The following CYCS variants were observed in gnomAD, a reference collection of about 807,000 sequenced individuals.
CYCS encodes cytochrome c.
For synonymous variants in CYCS, 41 were observed against 43.0 expected, an observed-to-expected ratio of 0.95 and a Z score of 0.18; for missense variants, 87 against 125.3, an observed-to-expected ratio of 0.69 and a Z score of 1.46.
rs375047966 is a variant in CYCS, at chr7:25,118,933, C to T, written c.*4768G>A. On this transcript the variant is annotated 3_prime_UTR_variant, in exon 3 of 3. Coordinates refer to ENST00000305786, the MANE Select transcript of CYCS (RefSeq NM_018947.6). ...GGGAAATGATAGCCTGAAGGCATGACGTTTTCAAATACCCCAAACTCCAAC... is the reference window on the plus strand; with the variant it reads ...GGGAAATGATAGCCTGAAGGCATGATGTTTTCAAATACCCCAAACTCCAAC... 9.8e-4 allele frequency among the ~76,000 whole-genome samples: 149 copies of T among 152,256 alleles called. 1 individual carries two copies. The highest frequency in any genetic ancestry group is 3.4e-3 in the African/African-American group (141 of 41,540).
At position 25,122,674 on chromosome 7, in the gene CYCS, AGTC is replaced by A. The variant is rs1296707804; in HGVS notation, c.*1024_*1026del. ...AGTGAAGTGTTATTCTAGTTGAGGC[AGTC>A]CTAGAAAACCAAGTAAACAATCTAG... is the stretch of plus-strand genomic sequence containing the variant. On this transcript the variant is annotated 3_prime_UTR_variant, in exon 3 of 3. Coordinates refer to ENST00000305786, the MANE Select transcript of CYCS (RefSeq NM_018947.6). 3 of 152,264 alleles carry A rather than the reference AGTC, an allele frequency of 2.0e-5. No individual in the cohort carries two copies. The highest frequency in any genetic ancestry group is 7.2e-5 in the African/African-American group (3 of 41,470). 9.4% of individuals were successfully genotyped at this position (152,264 alleles called of 1,614,324 possible).
At position 25,123,955 on chromosome 7, in the gene CYCS, G is replaced by C. The variant is rs986520087; in HGVS notation, c.165C>G (p.Asn55Lys). ...TATTTAACAAGTGACTCTTACCTTT[G>C]TTCTTATTGGCGGCTGTGTAAGAGT... Reference protein sequence around the residue: ...PGYSYTAANKNKGIIWGEDTL... With the variant: ...PGYSYTAANKKKGIIWGEDTL... Residue 55 changes from asparagine (N) to lysine (K), a missense_variant, in exon 2 of 3, where the codon AAC becomes AAG. Coordinates refer to ENST00000305786, the MANE Select transcript of CYCS (RefSeq NM_018947.6). The C allele has an allele frequency of 1.2e-6, 2 of 1,614,052 alleles. No individual in the cohort carries two copies. Among genetic ancestry groups the C allele is most frequent in the Non-Finnish European group, 8.5e-7 (1 of 1,180,008 alleles).
At chr7:25,124,387 A>C (rs1783412253) in intron 1 of CYCS, among the ~76,000 whole-genome samples, 1 of 152,214 alleles carries the variant, frequency 6.6e-6, no homozygotes, top group African/African-American at 2.4e-5. Flanking sequence ...GAGGGAACCT[A>C]ATTCAAACTC....
chr7:25,123,858 G>A lies in CYCS; in HGVS notation c.170-9C>T. ...CTCTCCCCAGATGATGCCTAAACAA[G>A]AAAGAATGCATCGGTTATTTCACAC... On this transcript the variant is annotated splice_polypyrimidine_tract_variant and intron_variant, in intron 2 of 2. Coordinates refer to ENST00000305786, the MANE Select transcript of CYCS (RefSeq NM_018947.6). 6.2e-7 allele frequency: 1 copy of A among 1,614,116 alleles called. No individual in the cohort carries two copies.
At position 25,123,531 on chromosome 7, in the gene CYCS, A is replaced by C. The variant is rs978237813; in HGVS notation, c.*170T>G. The stretch of plus-strand genomic sequence containing the variant: ...CTATTAAAATTCAAAAACTGAACAT[A>C]TTCATTTAACCACAAGCCAGTCTTA... On this transcript the variant is annotated 3_prime_UTR_variant, in exon 3 of 3. Transcript: ENST00000305786. The C allele has an allele frequency of 1.3e-4, 81 of 637,412 alleles. 1 individual carries two copies. Among genetic ancestry groups the C allele is most frequent in the Non-Finnish European group, 1.9e-4 (71 of 364,614 alleles). 39.5% of individuals were successfully genotyped at this position (637,412 alleles called of 1,614,324 possible).
At chr7:25,124,233 G>A (rs775376611) in intron 1 of CYCS, 106 bp from the exon 2 acceptor site, 2 of 825,154 alleles carry the variant, frequency 2.4e-6, no homozygotes, top group Non-Finnish European at 2.0e-6. Flanking sequence ...GCTAATTTAT[G>A]TCATTAAATA....
At chr7:25,124,592 A>G (rs933549795) in intron 1 of CYCS, 1 of 232,380 alleles carries the variant, frequency 4.3e-6, no homozygotes, top group Admixed American at 5.2e-5. Context: ...GGCTGTTTCT[A>G]TCTGCCCAGG....
chr7:25,119,105 G>C lies in CYCS; in HGVS notation c.*4596C>G, dbSNP rs934831789. 1.3e-5 allele frequency among the ~76,000 whole-genome samples: 2 copies of C among 152,186 alleles called. No homozygotes were observed. The highest frequency in any genetic ancestry group is 4.8e-5 in the African/African-American group (2 of 41,446). ...ATGTACCCCGACAGTGCCTAGAAGA[G>C]ACTTATGTGGGAGACAAAGTTTCTG... On this transcript the variant is annotated 3_prime_UTR_variant, in exon 3 of 3. Transcript: ENST00000305786.
In CYCS at chr7:25,120,453, C is replaced by G. The variant is rs917778800; in HGVS notation, c.*3248G>C. ...AGACCACTGGTTCTAGTCCTAGACC[C>G]AGAATGTCAATACAGTAGCCACTAG... On this transcript the variant is annotated 3_prime_UTR_variant, in exon 3 of 3. Coordinates refer to ENST00000305786, the MANE Select transcript of CYCS (RefSeq NM_018947.6). 1.3e-5 allele frequency: 2 copies of G among 152,172 alleles called. No individual in the cohort carries two copies. The highest frequency in any genetic ancestry group is 2.9e-5 in the Non-Finnish European group (2 of 68,032). The allele number at this position is 152,172 out of a possible 1,614,324, so 9.4% of individuals were successfully genotyped here. A position where few individuals can be genotyped will look rare whatever the true frequency, so the allele number is the denominator to read the frequency against.
rs1783333507 is a variant in CYCS, at chr7:25,119,961, C to G, written c.*3740G>C. ...CAAAAGGTAAATCCCTAGCTACCACCAGAATGTTATCTATCTAAAACTGCC... is the reference window on the plus strand; with the variant it reads ...CAAAAGGTAAATCCCTAGCTACCACGAGAATGTTATCTATCTAAAACTGCC... On this transcript the variant is annotated 3_prime_UTR_variant, in exon 3 of 3. Transcript: ENST00000305786. 1 of 152,164 alleles carries G rather than the reference C, an allele frequency of 6.6e-6. No individual in the cohort carries two copies. 9.4% of individuals were successfully genotyped at this position (152,164 alleles called of 1,614,324 possible).
In CYCS at chr7:25,118,827, T is replaced by C. The variant is rs1783314459; in HGVS notation, c.*4874A>G. Reference sequence around the variant, plus strand: ...AAATGTTAAATTTAACATTTTAACATGTTTAAATGTTCATAGACACATACA... The same window carrying C: ...AAATGTTAAATTTAACATTTTAACACGTTTAAATGTTCATAGACACATACA... On this transcript the variant is annotated 3_prime_UTR_variant, in exon 3 of 3. Coordinates refer to ENST00000305786, the MANE Select transcript of CYCS (RefSeq NM_018947.6). Among the ~76,000 whole-genome samples, 1 of 151,924 alleles carries C rather than the reference T, an allele frequency of 6.6e-6. No homozygotes were observed. Among genetic ancestry groups the C allele is most frequent in the African/African-American group, 2.4e-5 (1 of 41,470 alleles).
chr7:25,124,195 A>C (rs1583394954), intron 1 of CYCS, 68 bp from the exon 2 acceptor site: 1 of 1,161,604 alleles, frequency 8.6e-7, no homozygotes, highest in African/African-American at 1.5e-5. Flanking sequence ...ATGAATGACC[A>C]CTCTAGCCAC....
chr7:25,120,893 GGC>G lies in CYCS; in HGVS notation c.*2806_*2807del, dbSNP rs1783349914. 4.6e-5 allele frequency: 7 copies of G among 152,338 alleles called. No individual in the cohort carries two copies. Among genetic ancestry groups the G allele is most frequent in the African/African-American group, 1.7e-4 (7 of 41,550 alleles). The allele number at this position is 152,338 out of a possible 1,614,324, so 9.4% of individuals were successfully genotyped here. The stretch of plus-strand genomic sequence containing the variant: ...TAATCCCAGCACTTTGGGAGGCCGA[GGC>G]AGGTAGATCACCTGACGTCGGGAGT... On this transcript the variant is annotated 3_prime_UTR_variant, in exon 3 of 3. Coordinates refer to ENST00000305786, the MANE Select transcript of CYCS (RefSeq NM_018947.6).
rs953977835 is a variant in CYCS, at chr7:25,119,046, G to A, written c.*4655C>T. On this transcript the variant is annotated 3_prime_UTR_variant, in exon 3 of 3. Coordinates refer to ENST00000305786, the MANE Select transcript of CYCS (RefSeq NM_018947.6). The stretch of plus-strand genomic sequence containing the variant: ...AACACCAGGACAATGGTTATTCTGA[G>A]GCACAGAAAATACAGCCAAAGCAGC... Among the ~76,000 whole-genome samples the A allele has an allele frequency of 9.2e-5, 14 of 152,158 alleles. No homozygotes were observed. The highest frequency in any genetic ancestry group is 1.6e-4 in the Non-Finnish European group (11 of 68,026).
intron 1 of CYCS, chr7:25,124,671 G>T (rs549309418): frequency 2.2e-4 from 39 of 176,024 alleles, no homozygotes; most frequent in Non-Finnish European, 1.7e-4. Context: ...GTCCCCCGGG[G>T]ACATCCCAAC....
chr7:25,119,844 T>A lies in CYCS; in HGVS notation c.*3857A>T, dbSNP rs181806301. ...CTTCTTGACAGCCATGTGGATTCTA[T>A]CACACCCTTTATAATTTACAGCAAT... is the stretch of plus-strand genomic sequence containing the variant. On this transcript the variant is annotated 3_prime_UTR_variant, in exon 3 of 3. Coordinates refer to ENST00000305786, the MANE Select transcript of CYCS (RefSeq NM_018947.6). Among the ~76,000 whole-genome samples, 156 of 152,304 alleles carry A rather than the reference T, an allele frequency of 1.0e-3. No individual in the cohort carries two copies. Among genetic ancestry groups the A allele is most frequent in the African/African-American group, 2.6e-3 (109 of 41,556 alleles).
Position 25,123,736 on chromosome 7 carries a change from A to T in CYCS, c.283T>A (p.Leu95Ile). 1 of 1,605,284 alleles carries T rather than the reference A, an allele frequency of 6.2e-7. No individual in the cohort carries two copies. The highest frequency in any genetic ancestry group is 8.5e-7 in the Non-Finnish European group (1 of 1,179,986). The change falls in exon 3 of 3, where the codon TTA becomes ATA. Residue 95 changes from leucine to isoleucine, a missense_variant. Coordinates refer to ENST00000305786, the MANE Select transcript of CYCS (RefSeq NM_018947.6). The part of the protein sequence containing the change: ...GIKKKEERAD[L>I]IAYLKKATNE Reference sequence around the variant, plus strand: ...GTAGCTTTTTTGAGATAAGCTATTAAGTCTGCCCTTTCTTCCTTCTTCTTA... The same window carrying T: ...GTAGCTTTTTTGAGATAAGCTATTATGTCTGCCCTTTCTTCCTTCTTCTTA...
Position 25,119,077 on chromosome 7 carries a change from A to T in CYCS, c.*4624T>A, listed in dbSNP as rs749136273. ...GAAAATACAGCCAAAGCAGCAGCTC[A>T]GTATGTACCCCGACAGTGCCTAGAA... is the stretch of plus-strand genomic sequence containing the variant. On this transcript the variant is annotated 3_prime_UTR_variant, in exon 3 of 3. Coordinates refer to ENST00000305786, the MANE Select transcript of CYCS (RefSeq NM_018947.6). 6.6e-6 allele frequency among the ~76,000 whole-genome samples: 1 copy of T among 152,228 alleles called. No individual in the cohort carries two copies. Among genetic ancestry groups the T allele is most frequent in the Non-Finnish European group, 1.5e-5 (1 of 68,046 alleles).
intron 1 of CYCS, among the ~76,000 whole-genome samples, chr7:25,124,406 G>A (rs992230892): frequency 2.0e-5 from 3 of 152,170 alleles, no homozygotes; most frequent in Non-Finnish European, 2.9e-5. Context: ...TCCAGTTTCA[G>A]AAGAGACAAT....
Sources: allele counts gnomAD v4.1 joint callset (sites outside exome capture counted in the v4.1 genomes callset), GRCh38; gene constraint gnomAD v4.1.1; transcripts MANE v1.5; gene names NCBI Gene and HGNC (gene_info 2026-07-23, HGNC 2026-07-21).